RPS6KC1: variants seen among roughly 807,000 people sequenced by gnomAD.
The protein encoded by RPS6KC1 is inactive ribosomal protein S6 kinase delta-1.
A neutral mutation model predicts 103.8 loss-of-function variants in RPS6KC1; 54 were observed. The ratio of observed to expected loss-of-function variants is 0.52; its 90% confidence interval spans 0.42 to 0.65. RPS6KC1 has a LOEUF of 0.65. RPS6KC1 is among the 30% of genes least tolerant of loss of function. RPS6KC1 has a pLI of 0.00. For synonymous variants in RPS6KC1, 439 were observed against 438.7 expected, an observed-to-expected ratio of 1.00 and a Z score of -0.01; for missense variants, 1,151 against 1,253.8, an observed-to-expected ratio of 0.92 and a Z score of 1.24.
chr1:213,311,569 G>GTT, the RPS6KC1 span, among the ~76,000 whole-genome samples: 76 of 152,286 alleles, frequency 5.0e-4, no homozygotes, highest in African/African-American at 1.7e-3. Context: ...AGTGGGAAGA[G>GTT]AGGTTGAAAT....
the RPS6KC1 span, among the ~76,000 whole-genome samples, chr1:213,371,390 C>T: frequency 6.6e-6 from 1 of 152,152 alleles, no homozygotes; most frequent in Non-Finnish European, 1.5e-5. Flanking sequence ...CTTTTGGCTG[C>T]TGTGATGAAC....
chr1:213,516,008 C>T, the RPS6KC1 span, among the ~76,000 whole-genome samples: 1 of 152,154 alleles, frequency 6.6e-6, no homozygotes, highest in African/African-American at 2.4e-5. Context: ...AATGGGATTT[C>T]ACTCATGATT....
the RPS6KC1 span, among the ~76,000 whole-genome samples, chr1:213,591,825 A>G: frequency 6.6e-6 from 1 of 151,998 alleles, no homozygotes; most frequent in East Asian, 1.9e-4. Context: ...CCTGTGGGGA[A>G]CTCCAAAGCC....
chr1:213,587,361 GC>G, the RPS6KC1 span, among the ~76,000 whole-genome samples: 1 of 152,164 alleles, frequency 6.6e-6, no homozygotes, highest in Non-Finnish European at 1.5e-5. Flanking sequence ...GCTTGCTGTA[GC>G]CTCTTGTTGG....
the RPS6KC1 span, among the ~76,000 whole-genome samples, chr1:213,648,913 T>C: frequency 6.6e-6 from 1 of 152,174 alleles, no homozygotes; most frequent in Non-Finnish European, 1.5e-5. Flanking sequence ...CTCTGCTCTC[T>C]CATCCCAGCC....
the RPS6KC1 span, among the ~76,000 whole-genome samples, chr1:213,536,065 T>TC: frequency 2.0e-5 from 3 of 152,144 alleles, no homozygotes; most frequent in East Asian, 1.9e-4. Context: ...CTTTTTTTTT[T>TC]CCAGTCTGTG....
At chr1:213,188,833 GT>G (rs35525974) in intron 8 of RPS6KC1, among the ~76,000 whole-genome samples, 66,931 of 146,384 alleles carry the variant, frequency 0.46, 18,381 homozygotes, top group Non-Finnish European at 0.62. Context: ...TTTCCGCAAG[GT>G]TTTTTTTTTT....
chr1:213,372,065 G>A, the RPS6KC1 span, among the ~76,000 whole-genome samples: 1 of 152,212 alleles, frequency 6.6e-6, no homozygotes, highest in African/African-American at 2.4e-5. Context: ...CATCTTTGCT[G>A]TGCAGCTCCC....
intron 6 of RPS6KC1, among the ~76,000 whole-genome samples, chr1:213,162,725 T>C (rs961381320): frequency 6.6e-6 from 1 of 152,252 alleles, no homozygotes; most frequent in Admixed American, 6.5e-5. Flanking sequence ...CTCTATGATA[T>C]AATGATGTAT....
intron 4 of RPS6KC1, among the ~76,000 whole-genome samples, chr1:213,109,804 T>A (rs1306406006): frequency 6.6e-6 from 1 of 152,072 alleles, no homozygotes; most frequent in African/African-American, 2.4e-5. Flanking sequence ...CTCGTAGGTA[T>A]ACCTAGGAGT....
At chr1:213,825,407 G>T in the RPS6KC1 span, among the ~76,000 whole-genome samples, 10 of 152,294 alleles carry the variant, frequency 6.6e-5, no homozygotes, top group Admixed American at 6.5e-4. Context: ...GAAGAGGGAG[G>T]GAGCAGGGAG....
the RPS6KC1 span, among the ~76,000 whole-genome samples, chr1:213,810,109 G>A: frequency 6.6e-6 from 1 of 152,156 alleles, no homozygotes; most frequent in Non-Finnish European, 1.5e-5. Flanking sequence ...GAGAAGCCTT[G>A]GAGGGCCTGG....
chr1:213,577,792 A>G, the RPS6KC1 span, among the ~76,000 whole-genome samples: 1 of 152,232 alleles, frequency 6.6e-6, no homozygotes, highest in African/African-American at 2.4e-5. Context: ...TTCATTCACA[A>G]AGATATGGTT....
At chr1:213,447,499 C>T in the RPS6KC1 span, among the ~76,000 whole-genome samples, 824 of 152,220 alleles carry the variant, frequency 5.4e-3, 5 homozygotes, top group African/African-American at 0.019. Context: ...TATTTTTAAG[C>T]GGACATTTTA....
chr1:213,061,130 C>G (rs2148351412), intron 1 of RPS6KC1, among the ~76,000 whole-genome samples: 1 of 152,290 alleles, frequency 6.6e-6, no homozygotes, highest in East Asian at 1.9e-4. Context: ...CCCTCATGAC[C>G]TGATTACCTC....
chr1:213,226,148 G>A (rs1000848410), intron 8 of RPS6KC1, among the ~76,000 whole-genome samples: 9 of 151,816 alleles, frequency 5.9e-5, no homozygotes, highest in Middle Eastern at 3.4e-3. Context: ...GCGTGAACCC[G>A]GGAGGCAGAG....
chr1:213,797,457 G>T, the RPS6KC1 span, among the ~76,000 whole-genome samples: 1 of 152,276 alleles, frequency 6.6e-6, no homozygotes, highest in South Asian at 2.1e-4. Context: ...ACATAGGAAG[G>T]TTCAAAGGAA....
the RPS6KC1 span, among the ~76,000 whole-genome samples, chr1:213,581,620 G>A: frequency 6.4e-4 from 98 of 152,204 alleles, no homozygotes; most frequent in African/African-American, 2.2e-3. Flanking sequence ...AGGAAAGGTG[G>A]CTCCAGCCAG....
Position 213,261,481 on chromosome 1 carries a change from C to T in RPS6KC1, c.2912-77C>T, listed in dbSNP as rs1281720539. On this transcript the variant is annotated intron_variant, in intron 12 of 14. Coordinates refer to ENST00000366960, the MANE Select transcript of RPS6KC1 (RefSeq NM_012424.6). ...TGCTCTCTCAGCATTAAAAAGGTCA[C>T]CTTGCTAATACATGTTAATTTTGAA... The T allele has an allele frequency of 9.2e-6, 12 of 1,301,686 alleles. No individual in the cohort carries two copies. In the African/African-American group the frequency reaches 1.2e-4, roughly 13 times the overall value. The allele number at this position is 1,301,686 out of a possible 1,614,324, so 80.6% of individuals were successfully genotyped here. A position where few individuals can be genotyped will look rare whatever the true frequency, so the allele number is the denominator to read the frequency against.
Sources: allele counts gnomAD v4.1 joint callset (sites outside exome capture counted in the v4.1 genomes callset), GRCh38; gene constraint gnomAD v4.1.1; transcripts MANE v1.5; gene names NCBI Gene and HGNC (gene_info 2026-07-23, HGNC 2026-07-21).